EVI5: variants seen among roughly 807,000 people sequenced by gnomAD.
EVI5 encodes the protein ecotropic viral integration site 5.
In EVI5, 73 loss-of-function variants were observed where a neutral mutation model predicts 112.0. The observed-to-expected ratio is 0.65, with a 90% CI of 0.54 to 0.79. EVI5 has a LOEUF of 0.79. EVI5 is among the 30% of genes least tolerant of loss of function. The probability of loss-of-function intolerance (pLI) is 0.00; values close to 1 mark genes in which losing one functional copy is unlikely to be tolerated. For synonymous variants in EVI5, 305 were observed against 319.9 expected, an observed-to-expected ratio of 0.95 and a Z score of 0.50; for missense variants, 900 against 968.8, an observed-to-expected ratio of 0.93 and a Z score of 0.94.
At chr1:92,713,258 G>T (rs1032757651) in intron 2 of EVI5, among the ~76,000 whole-genome samples, 3 of 151,174 alleles carry the variant, frequency 2.0e-5, no homozygotes, top group Admixed American at 1.3e-4. Flanking sequence ...CAGATTTTGG[G>T]TACTCAATTG....
intron 2 of EVI5, among the ~76,000 whole-genome samples, chr1:92,708,715 G>C (rs951558825): frequency 2.6e-5 from 4 of 151,904 alleles, no homozygotes; most frequent in South Asian, 2.1e-4. Context: ...AAATCCAAGT[G>C]TCCATCAACT....
chr1:92,786,476 C>G (rs1685649254), upstream of EVI5, among the ~76,000 whole-genome samples: 1 of 152,124 alleles, frequency 6.6e-6, no homozygotes, highest in Admixed American at 6.6e-5. Context: ...ATGTACCTCT[C>G]CCCTCTTATA....
At chr1:92,777,766 C>G (rs1461070480) in intron 1 of EVI5, among the ~76,000 whole-genome samples, 1 of 152,070 alleles carries the variant, frequency 6.6e-6, no homozygotes, top group African/African-American at 2.4e-5. Flanking sequence ...GTTACTAAAA[C>G]AAGGATAAAG....
intron 19 of EVI5, among the ~76,000 whole-genome samples, chr1:92,560,751 G>A (rs2100864137): frequency 6.6e-6 from 1 of 152,104 alleles, no homozygotes; most frequent in African/African-American, 2.4e-5. Context: ...TTTTAATAGA[G>A]ATGGGGTCTC....
At chr1:92,680,058 A>C (rs1667349197) in intron 9 of EVI5, among the ~76,000 whole-genome samples, 2 of 152,208 alleles carry the variant, frequency 1.3e-5, no homozygotes, top group Non-Finnish European at 2.9e-5. Flanking sequence ...GAAAATACTC[A>C]TAATTGTTCT....
rs761544228 is a variant in EVI5, at chr1:92,677,196, T to C, written c.1120A>G (p.Ile374Val). Residue 374 changes from isoleucine to valine, a missense_variant, in exon 10 of 20, where the codon ATA becomes GTA. Ile to Val is a conservative substitution (Grantham distance 29). Coordinates refer to ENST00000684568, the MANE Select transcript of EVI5 (RefSeq NM_001350197.2). ...MKKLEKEYTTIKTKEMEEQVE... is the reference protein window; with the variant it reads ...MKKLEKEYTTVKTKEMEEQVE... ...TGCTCTTCCATTTCTTTCGTTTTTATTGTAGTGTATTCCTTTTCAAGCCTA... is the reference window on the plus strand; with the variant it reads ...TGCTCTTCCATTTCTTTCGTTTTTACTGTAGTGTATTCCTTTTCAAGCCTA... 1 of 1,588,550 alleles carries C rather than the reference T, an allele frequency of 6.3e-7. No individual in the cohort carries two copies. Among genetic ancestry groups the C allele is most frequent in the Non-Finnish European group, 8.6e-7 (1 of 1,162,286 alleles).
intron 9 of EVI5, among the ~76,000 whole-genome samples, chr1:92,679,477 C>G (rs1318198105): frequency 6.6e-6 from 1 of 152,084 alleles, no homozygotes; most frequent in Admixed American, 6.5e-5. Flanking sequence ...CATTTATACA[C>G]CTAAAAATAA....
At chr1:92,578,531 C>T (rs1004367103) in intron 18 of EVI5, among the ~76,000 whole-genome samples, 8 of 151,206 alleles carry the variant, frequency 5.3e-5, no homozygotes, top group South Asian at 4.2e-4. Context: ...CTGGCTAACA[C>T]GGTGAAACCC....
Position 92,513,847 on chromosome 1 carries a change from T to C in EVI5, c.2290A>G (p.Asn764Asp), listed in dbSNP as rs200102416. ...CCAACACCAGTTTCCTGTAAGGAAT[T>C]ATCTATAAAATCTTCATCGGAGGAA... ...FHSSDEDFID[N>D]SLQETGVGFP... Residue 764 changes from asparagine to aspartate, a missense_variant, in exon 20 of 20, where the codon AAT becomes GAT. Asn to Asp is a conservative substitution (Grantham distance 23). Coordinates refer to ENST00000684568, the MANE Select transcript of EVI5 (RefSeq NM_001350197.2). 1.9e-6 allele frequency: 3 copies of C among 1,613,866 alleles called. No individual in the cohort carries two copies. Among genetic ancestry groups the C allele is most frequent in the Non-Finnish European group, 1.7e-6 (2 of 1,179,846 alleles).
intron 9 of EVI5, among the ~76,000 whole-genome samples, chr1:92,689,113 A>G (rs776925621): frequency 7.2e-5 from 11 of 152,182 alleles, no homozygotes; most frequent in Admixed American, 2.6e-4. Flanking sequence ...ATTAACAATC[A>G]AGGAAATGTA....
intron 9 of EVI5, among the ~76,000 whole-genome samples, chr1:92,685,756 A>T (rs1668410890): frequency 6.6e-6 from 1 of 152,232 alleles, no homozygotes; most frequent in African/African-American, 2.4e-5. Flanking sequence ...CCATCAGAGA[A>T]TACTATAAAT....
intron 9 of EVI5, among the ~76,000 whole-genome samples, chr1:92,678,280 C>T (rs1226576154): frequency 6.6e-6 from 1 of 152,114 alleles, no homozygotes; most frequent in Non-Finnish European, 1.5e-5. Flanking sequence ...CCTCTAATCC[C>T]AGCACTTTGG....
chr1:92,751,947 C>T (rs1364019281), intron 1 of EVI5, among the ~76,000 whole-genome samples: 1 of 151,736 alleles, frequency 6.6e-6, no homozygotes, highest in African/African-American at 2.4e-5. Context: ...ACCCAGGGGG[C>T]GGAGGTAGCA....
In EVI5 at chr1:92,512,568, T is replaced by C. The variant is rs1391274591; in HGVS notation, c.*1088A>G. The C allele has an allele frequency of 1.3e-5, 2 of 152,240 alleles. No individual in the cohort carries two copies. Among genetic ancestry groups the C allele is most frequent in the South Asian group, 2.1e-4 (1 of 4,838 alleles). The allele number at this position is 152,240 out of a possible 1,614,324, so 9.4% of individuals were successfully genotyped here. On this transcript the variant is annotated 3_prime_UTR_variant, in exon 20 of 20. Coordinates refer to ENST00000684568, the MANE Select transcript of EVI5 (RefSeq NM_001350197.2). ...CATTTTGCAACATGTATGTTCTTCA[T>C]ATAAAATGATGTTCAATGTTAGGTG...
chr1:92,655,411 T>C (rs973739151), intron 13 of EVI5, among the ~76,000 whole-genome samples: 6 of 152,064 alleles, frequency 3.9e-5, no homozygotes. Flanking sequence ...AGAAAAAGTC[T>C]TTCCCAGACA....
At chr1:92,687,376 T>C (rs1199206829) in intron 9 of EVI5, among the ~76,000 whole-genome samples, 2 of 151,870 alleles carry the variant, frequency 1.3e-5, no homozygotes, top group South Asian at 2.1e-4. Flanking sequence ...TCACACCTTA[T>C]ACAAAAATTA....
At position 92,674,189 on chromosome 1, in the gene EVI5, C is replaced by A. The variant is rs577925408; in HGVS notation, c.1158+2969G>T. The stretch of plus-strand genomic sequence containing the variant: ...ACAGCAAGGCTCAATTAATATTATA[C>A]CTGGCTAATGAATTGTAAATAAGGT... On this transcript the variant is annotated intron_variant, in intron 10 of 19. Coordinates refer to ENST00000684568, the MANE Select transcript of EVI5 (RefSeq NM_001350197.2). Among the ~76,000 whole-genome samples the A allele has an allele frequency of 2.6e-5, 4 of 152,120 alleles. No individual in the cohort carries two copies. In the East Asian group the frequency reaches 7.7e-4, roughly 29 times the overall value.
chr1:92,686,247 G>A (rs946055945), intron 9 of EVI5, among the ~76,000 whole-genome samples: 5 of 152,104 alleles, frequency 3.3e-5, no homozygotes, highest in African/African-American at 7.2e-5. Context: ...TTCAACATAC[G>A]AAAATCAATA....
chr1:92,514,564 C>T (rs1659582065), intron 19 of EVI5, among the ~76,000 whole-genome samples: 1 of 152,098 alleles, frequency 6.6e-6, no homozygotes. Context: ...GAGTAACTTG[C>T]TAAGGACATA....
Sources: gnomAD v4.1 joint callset for allele counts (sites outside exome capture counted in the v4.1 genomes callset) on GRCh38, gnomAD v4.1.1 for gene constraint, MANE v1.5 for transcripts, NCBI Gene and HGNC (gene_info 2026-07-23, HGNC 2026-07-21) for gene names.